The following ATRNL1 variants were observed in gnomAD, a reference collection of about 807,000 sequenced individuals.
The protein encoded by ATRNL1 is attractin-like protein 1.
In ATRNL1, 95 loss-of-function variants were observed where a neutral mutation model predicts 182.7. The ratio of observed to expected loss-of-function variants is 0.52; its 90% CI spans 0.44 to 0.62. The LOEUF (loss-of-function observed/expected upper bound fraction) is 0.62, where lower values mean the gene tolerates loss of function less well. Among genes scored for constraint, ATRNL1 ranks in the 20% least tolerant of loss-of-function variants. ATRNL1 has a pLI of 0.00. For synonymous variants in ATRNL1, 576 were observed against 568.3 expected (o/e 1.01, Z -0.19); for missense variants, 1,471 against 1,679.5 (o/e 0.88, Z 2.17).
At chr10:115,686,318 A>G (rs1006313633) in intron 26 of ATRNL1, among the ~76,000 whole-genome samples, 1 of 151,870 alleles carries the variant, frequency 6.6e-6, no homozygotes, top group Non-Finnish European at 1.5e-5. Context: ...ACAGCAAAAG[A>G]CTCTGCTTCC....
chr10:115,837,471 CACACACACACA>C (rs1950703385), intron 27 of ATRNL1, among the ~76,000 whole-genome samples: 3 of 688 alleles, frequency 4.4e-3, no homozygotes, highest in African/African-American at 5.2e-3. Flanking sequence ...CCAAGCCACA[CACACACACACA>C]CACACACACA....
intron 27 of ATRNL1, among the ~76,000 whole-genome samples, chr10:115,803,894 C>G (rs562411321): frequency 6.6e-6 from 1 of 152,030 alleles, no homozygotes; most frequent in African/African-American, 2.4e-5. Flanking sequence ...CTGGCCAATA[C>G]GCATAAAGAT....
intron 26 of ATRNL1, among the ~76,000 whole-genome samples, chr10:115,716,549 G>A (rs1478987515): frequency 6.6e-6 from 1 of 152,084 alleles, no homozygotes; most frequent in African/African-American, 2.4e-5. Context: ...GCATGTTGTG[G>A]CTCAGAATTG....
intron 27 of ATRNL1, among the ~76,000 whole-genome samples, chr10:115,787,323 C>T (rs1218321052): frequency 6.6e-6 from 1 of 152,102 alleles, no homozygotes; most frequent in African/African-American, 2.4e-5. Context: ...AATATATAGC[C>T]AGGCTTTACC....
intron 8 of ATRNL1, among the ~76,000 whole-genome samples, chr10:115,183,403 TAAG>T (rs1847820689): frequency 1.3e-5 from 2 of 151,282 alleles, no homozygotes; most frequent in African/African-American, 2.4e-5. Context: ...ATTAATGATG[TAAG>T]AACAGAAAAA....
chr10:115,387,874 C>G (rs920692528), intron 19 of ATRNL1, among the ~76,000 whole-genome samples: 2 of 152,086 alleles, frequency 1.3e-5, no homozygotes, highest in Admixed American at 6.5e-5. Flanking sequence ...TCTGATCACT[C>G]GTATCACTAC....
intron 23 of ATRNL1, among the ~76,000 whole-genome samples, chr10:115,468,199 A>C (rs1427336096): frequency 6.6e-6 from 1 of 150,798 alleles, no homozygotes; most frequent in African/African-American, 2.4e-5. Flanking sequence ...AATTCGTAAT[A>C]ACTTGTACTG....
intron 27 of ATRNL1, among the ~76,000 whole-genome samples, chr10:115,731,203 C>T (rs190354939): frequency 5.3e-5 from 8 of 152,316 alleles, no homozygotes; most frequent in African/African-American, 1.4e-4. Context: ...CACAATCAGT[C>T]TCCAGCCTTA....
Position 115,334,362 on chromosome 10 carries a change from T to G in ATRNL1, c.3118T>G (p.Cys1040Gly). ...TAAAAATCTCACCACAGGAAAGCAG[T>G]GTCAAGATTGTATGCCAGGTTATTA... ...QCKNLTTGKQ[C>G]QDCMPGYYGD... Residue 1040 changes from cysteine (C) to glycine (G), a missense_variant, in exon 19 of 29, where the codon TGT (cysteine) becomes GGT (glycine). Physicochemically the swap from Cys to Gly is radical, Grantham distance 159. Coordinates refer to ENST00000355044, the MANE Select transcript of ATRNL1 (RefSeq NM_207303.4). 6.2e-7 allele frequency: 1 copy of G among 1,608,606 alleles called. No individual in the cohort carries two copies. Among genetic ancestry groups the G allele is most frequent in the Non-Finnish European group, 8.5e-7 (1 of 1,176,122 alleles).
At chr10:115,911,559 C>G (rs1180235788) in intron 28 of ATRNL1, among the ~76,000 whole-genome samples, 1 of 152,174 alleles carries the variant, frequency 6.6e-6, no homozygotes, top group South Asian at 2.1e-4. Flanking sequence ...GGTGGTCCAC[C>G]CACCTCAGCT....
intron 26 of ATRNL1, among the ~76,000 whole-genome samples, chr10:115,650,956 A>G (rs544265460): frequency 2.0e-5 from 3 of 152,230 alleles, no homozygotes; most frequent in Admixed American, 1.3e-4. Context: ...AACTCTGAAT[A>G]TATTTTAATT....
intron 26 of ATRNL1, among the ~76,000 whole-genome samples, chr10:115,606,946 G>A (rs972136708): frequency 8.6e-5 from 13 of 152,030 alleles, no homozygotes; most frequent in Admixed American, 3.3e-4. Flanking sequence ...AACTGTCAGC[G>A]TTTGTTACAG....
At chr10:115,563,647 T>C (rs1853895947) in intron 26 of ATRNL1, among the ~76,000 whole-genome samples, 2 of 152,184 alleles carry the variant, frequency 1.3e-5, no homozygotes, top group South Asian at 4.1e-4. Context: ...GTTATAATGC[T>C]TTATTAATTT....
intron 6 of ATRNL1, among the ~76,000 whole-genome samples, chr10:115,161,577 A>G (rs1250730883): frequency 2.6e-5 from 4 of 152,072 alleles, no homozygotes; most frequent in African/African-American, 9.6e-5. Flanking sequence ...TGTAAATTTT[A>G]AGTTCATGTT....
At chr10:115,224,011 C>G (rs1441686255) in intron 9 of ATRNL1, among the ~76,000 whole-genome samples, 1 of 145,526 alleles carries the variant, frequency 6.9e-6, no homozygotes, top group Non-Finnish European at 1.5e-5. Context: ...TCTCAGCTCA[C>G]TGCAACCTCT....
At chr10:115,110,054 TTTTATAATGATGTTTTATCATAACA>T (rs1844192607) in intron 1 of ATRNL1, among the ~76,000 whole-genome samples, 1 of 152,182 alleles carries the variant, frequency 6.6e-6, no homozygotes, top group African/African-American at 2.4e-5. Context: ...AAAAATGAAT[TTTTATAATGATGTTTTATCATAACA>T]TCATTATATC....
rs190028032 is a variant in ATRNL1, at chr10:115,863,162, T to C, written c.4018+15171T>C. Among the ~76,000 whole-genome samples, 135 of 152,240 alleles carry C rather than the reference T, an allele frequency of 8.9e-4. 1 individual carries two copies. The highest frequency in any genetic ancestry group is 3.2e-3 in the African/African-American group (132 of 41,538). ...CTCTGAGTACACTTTTGTATATAACTCTGACCCTTAGAAAAAACCTGACCT... is the reference window on the plus strand; with the variant it reads ...CTCTGAGTACACTTTTGTATATAACCCTGACCCTTAGAAAAAACCTGACCT... On this transcript the variant is annotated intron_variant, in intron 28 of 28. Transcript: ENST00000355044.
At chr10:115,539,832 T>C (rs1419932118) in intron 25 of ATRNL1, among the ~76,000 whole-genome samples, 2 of 152,024 alleles carry the variant, frequency 1.3e-5, no homozygotes, top group African/African-American at 4.8e-5. Context: ...ACCCTGTTGA[T>C]TTCCTTCTTG....
intron 1 of ATRNL1, among the ~76,000 whole-genome samples, chr10:115,113,129 C>T (rs182804013): frequency 4.6e-5 from 7 of 152,216 alleles, no homozygotes; most frequent in East Asian, 1.9e-4. Context: ...TGGTCAAGAG[C>T]GAAGGTCATG....
Sources: allele counts gnomAD v4.1 joint callset (sites outside exome capture counted in the v4.1 genomes callset), GRCh38; gene constraint gnomAD v4.1.1; transcripts MANE v1.5; gene names NCBI Gene and HGNC (gene_info 2026-07-23, HGNC 2026-07-21).